Variants in HES7 observed in about 807,000 individuals in gnomAD.
HES7 encodes the protein transcription factor HES-7.
In HES7, 8 loss-of-function variants were observed where a neutral mutation model predicts 18.0. That is an observed-to-expected ratio of 0.45 (90% CI 0.26 to 0.80). The LOEUF (loss-of-function observed/expected upper bound fraction) is 0.80. HES7 is among the 30% of genes least tolerant of loss of function. The pLI, the probability that HES7 is intolerant of heterozygous loss-of-function variation, is 0.18. For missense variants in HES7, 356 were observed against 340.9 expected, an observed-to-expected ratio of 1.04 and a Z score of -0.35; for synonymous variants, 170 against 158.6, an observed-to-expected ratio of 1.07 and a Z score of -0.54.
Position 8,123,481 on chromosome 17 carries a change from G to A in HES7, c.43-355C>T. 7.7e-6 allele frequency: 3 copies of A among 388,536 alleles called. No homozygotes were observed. The highest frequency in any genetic ancestry group is 2.8e-5 in the South Asian group (1 of 36,348). 24.1% of individuals were successfully genotyped at this position (388,536 alleles called of 1,614,324 possible). A position where few individuals can be genotyped will look rare whatever the true frequency, so the allele number is the denominator to read the frequency against. On this transcript the variant is annotated intron_variant, in intron 1 of 3. Coordinates refer to ENST00000541682, the MANE Select transcript of HES7 (RefSeq NM_001165967.2). The surrounding 1 kb of genome is among the most constrained non-coding windows in gnomAD (Gnocchi z 5.9). ...CTGCGCGCACGCACGTGCGCCGCAC[G>A]GTGCCGGGCTCAGACCTGGCGGCCC...
chr17:8,121,867 G>T lies in HES7; in HGVS notation c.397C>A (p.Pro133Thr). The T allele has an allele frequency of 6.4e-7, 1 of 1,572,456 alleles. No individual in the cohort carries two copies. The highest frequency in any genetic ancestry group is 2.4e-5 in the East Asian group (1 of 41,770). Residue 133 changes from proline (P) to threonine (T), a missense_variant, in exon 4 of 4, where the codon CCC becomes ACC. By Grantham distance (38) the Pro-to-Thr change is conservative. Coordinates refer to ENST00000541682, the MANE Select transcript of HES7 (RefSeq NM_001165967.2). ...ACCGGCTTGGGCCGGGGCGGTTTGG[G>T]GCGCAGATAGCCGTGCAGCGCGGAG... Reference protein sequence around the residue: ...LFSALHGYLRPKPPRPKPVDP... With the variant: ...LFSALHGYLRTKPPRPKPVDP...
At position 8,121,911 on chromosome 17, in the gene HES7, G is replaced by T; in HGVS notation, c.353C>A (p.Ala118Asp). The change falls in exon 4 of 4, where the codon GCC becomes GAC. Residue 118 changes from alanine to aspartate, a missense_variant. Transcript: ENST00000541682. ...CGCGGAGAAGAGCTGGGCGCGGGCG[G>T]CCGGGCTGGCGTCGTGCGCGAAGGC... is the stretch of plus-strand genomic sequence containing the variant. Reference protein sequence around the residue: ...LAAFAHDASPAARAQLFSALH... With the variant: ...LAAFAHDASPDARAQLFSALH... 1 of 1,564,142 alleles carries T rather than the reference G, an allele frequency of 6.4e-7. No homozygotes were observed. Among genetic ancestry groups the T allele is most frequent in the Non-Finnish European group, 8.6e-7 (1 of 1,166,234 alleles).
upstream of HES7, among the ~76,000 whole-genome samples, chr17:8,125,936 A>G (rs915473367): frequency 6.6e-6 from 1 of 152,222 alleles, no homozygotes; most frequent in Admixed American, 6.5e-5. Context: ...TGACTATAGC[A>G]GAGTTTGCAG....
Position 8,123,435 on chromosome 17 carries a change from G to C in HES7, c.43-309C>G. ...TCTGGTGCAGTTTCTCTTTGTCTCAGTGGAGAACTTTGGGGACTCTCTGCG... is the reference window on the plus strand; with the variant it reads ...TCTGGTGCAGTTTCTCTTTGTCTCACTGGAGAACTTTGGGGACTCTCTGCG... On this transcript the variant is annotated intron_variant, in intron 1 of 3. Transcript: ENST00000541682. This position sits in a 1 kb window ranked among gnomAD's most constrained non-coding sequence, Gnocchi z 5.9. 2.1e-6 allele frequency: 1 copy of C among 485,284 alleles called. No individual in the cohort carries two copies. Among genetic ancestry groups the C allele is most frequent in the East Asian group, 3.8e-5 (1 of 26,504 alleles). 30.1% of individuals were successfully genotyped at this position (485,284 alleles called of 1,614,324 possible).
At chr17:8,124,171 A>C (rs548755732), upstream of HES7, 22 of 1,525,406 alleles carry the variant, frequency 1.4e-5, no homozygotes, top group Middle Eastern at 3.4e-4. Context: ...ATAGGACCCG[A>C]CCCCGCCCCC....
In HES7 at chr17:8,122,938, G is replaced by A. The variant is rs1164583780; in HGVS notation, c.138+93C>T. On this transcript the variant is annotated intron_variant, in intron 2 of 3. Coordinates refer to ENST00000541682, the MANE Select transcript of HES7 (RefSeq NM_001165967.2). This position sits in a 1 kb window ranked among gnomAD's most constrained non-coding sequence, Gnocchi z 6.9. The stretch of plus-strand genomic sequence containing the variant: ...CGGGTGAGGATGCCTTGGGGCCAGG[G>A]TTGCCAACCAAGCTTGTGTCCCCAC... 5.9e-6 allele frequency: 6 copies of A among 1,009,368 alleles called. No individual in the cohort carries two copies. The highest frequency in any genetic ancestry group is 9.2e-6 in the Non-Finnish European group (6 of 652,484). The allele number at this position is 1,009,368 out of a possible 1,614,324, so 62.5% of individuals were successfully genotyped here. A position where few individuals can be genotyped will look rare whatever the true frequency, so the allele number is the denominator to read the frequency against.
At chr17:8,125,516 A>T (rs538055974), upstream of HES7, among the ~76,000 whole-genome samples, 2 of 152,214 alleles carry the variant, frequency 1.3e-5, no homozygotes, top group South Asian at 2.1e-4. Context: ...TCTCACCTGC[A>T]CGCGAGGCTG....
chr17:8,123,000 T>C lies in HES7; in HGVS notation c.138+31A>G, dbSNP rs1981436604. 6.5e-7 allele frequency: 1 copy of C among 1,541,100 alleles called. No individual in the cohort carries two copies. Among genetic ancestry groups the C allele is most frequent in the Non-Finnish European group, 8.8e-7 (1 of 1,130,230 alleles). The stretch of plus-strand genomic sequence containing the variant: ...GCCCTGGGACGCGGAAACGGGAAGC[T>C]TGGGGACCTAGGGCTAGCGGAGGGA... On this transcript the variant is annotated intron_variant, in intron 2 of 3. Transcript: ENST00000541682. This position sits in a 1 kb window ranked among gnomAD's most constrained non-coding sequence, Gnocchi z 6.9.
At position 8,122,449 on chromosome 17, in the gene HES7, G is replaced by A; in HGVS notation, c.139-19C>T. On this transcript the variant is annotated intron_variant, in intron 2 of 3. Transcript: ENST00000541682. This position sits in a 1 kb window ranked among gnomAD's most constrained non-coding sequence, Gnocchi z 6.9. ...GGAGGTTCTACAGACGGGAGGGGAG[G>A]GCGCAGAGACAGAAAGGGGTGGGGA... is the stretch of plus-strand genomic sequence containing the variant. The A allele has an allele frequency of 1.9e-6, 3 of 1,543,618 alleles. No homozygotes were observed. The highest frequency in any genetic ancestry group is 1.8e-6 in the Non-Finnish European group (2 of 1,135,716).
chr17:8,122,292 C>T lies in HES7; in HGVS notation c.226+51G>A. 6.9e-7 allele frequency: 1 copy of T among 1,453,528 alleles called. No individual in the cohort carries two copies. Among genetic ancestry groups the T allele is most frequent in the Non-Finnish European group, 9.4e-7 (1 of 1,060,300 alleles). The allele number at this position is 1,453,528 out of a possible 1,614,324, so 90.0% of individuals were successfully genotyped here. A position where few individuals can be genotyped will look rare whatever the true frequency, so the allele number is the denominator to read the frequency against. On this transcript the variant is annotated intron_variant, in intron 3 of 3. Transcript: ENST00000541682. This position sits in a 1 kb window ranked among gnomAD's most constrained non-coding sequence, Gnocchi z 6.9. ...CCCGCCCACTCTGCCCCGGCCGGAG[C>T]CTCCTGGCGTCCCCCCTCCCTCCCT...
At chr17:8,124,022 C>T in intron 1 of HES7, 21 bp downstream of exon 1, 2 of 1,613,494 alleles carry the variant, frequency 1.2e-6, no homozygotes, top group Non-Finnish European at 8.5e-7. Flanking sequence ...GACCTCTGCT[C>T]CCTCCCCTCC....
At chr17:8,124,288 G>T (rs999825394), upstream of HES7, among the ~76,000 whole-genome samples, 16 of 152,186 alleles carry the variant, frequency 1.1e-4, no homozygotes, top group Non-Finnish European at 1.9e-4. Context: ...AGTGCGGGAA[G>T]TGAGGGGTGA....
In HES7 at chr17:8,121,749, C is replaced by G. The variant is rs778098548; in HGVS notation, c.515G>C (p.Gly172Ala). 18 of 1,478,110 alleles carry G rather than the reference C, an allele frequency of 1.2e-5. No individual in the cohort carries two copies. In the South Asian group the frequency reaches 2.4e-4, roughly 20 times the overall value. The allele number at this position is 1,478,110 out of a possible 1,614,324, so 91.6% of individuals were successfully genotyped here. The change falls in exon 4 of 4, where the codon GGC (glycine) becomes GCC (alanine). Residue 172 changes from glycine (G) to alanine (A), a missense_variant. Gly to Ala is a moderately conservative substitution (Grantham distance 60). Coordinates refer to ENST00000541682, the MANE Select transcript of HES7 (RefSeq NM_001165967.2). Reference protein sequence around the residue: ...ALHQRPPVHQGHPSPRCAWSP... With the variant: ...ALHQRPPVHQAHPSPRCAWSP... ...CCATGCGCAGCGCGGGCTAGGGTGG[C>G]CCTGGTGCACTGGGGGGCGCTGGTG...
rs986643107 is a variant in HES7, at chr17:8,123,292, T to C, written c.43-166A>G. On this transcript the variant is annotated intron_variant, in intron 1 of 3. Transcript: ENST00000541682. This position sits in a 1 kb window ranked among gnomAD's most constrained non-coding sequence, Gnocchi z 5.9. ...GATCCCTCTCCGCTCCCCCTCCCAA[T>C]GCCCCTAGATCAGTTTCTGTAGCTC... 1 of 641,208 alleles carries C rather than the reference T, an allele frequency of 1.6e-6. No homozygotes were observed. The highest frequency in any genetic ancestry group is 2.8e-6 in the Non-Finnish European group (1 of 353,702). 39.7% of individuals were successfully genotyped at this position (641,208 alleles called of 1,614,324 possible). A position where few individuals can be genotyped will look rare whatever the true frequency, so the allele number is the denominator to read the frequency against.
rs1237181412 is a variant in HES7 at position 8,123,777 on chromosome 17, C to T, written c.42+266G>A. 2.0e-5 allele frequency among the ~76,000 whole-genome samples: 3 copies of T among 152,212 alleles called. No individual in the cohort carries two copies. Among genetic ancestry groups the T allele is most frequent in the Admixed American group, 2.0e-4 (3 of 15,284 alleles). ...CTAATTGCTTATTTTACTCCAACAC[C>T]GGCCCCCTCCCCAGGCCACAAGGTG... On this transcript the variant is annotated intron_variant, in intron 1 of 3. Transcript: ENST00000541682. The surrounding 1 kb of genome is among the most constrained non-coding windows in gnomAD (Gnocchi z 5.9).
At position 8,123,532 on chromosome 17, in the gene HES7, C is replaced by A; in HGVS notation, c.43-406G>T. 3.2e-6 allele frequency: 1 copy of A among 313,682 alleles called. No homozygotes were observed. Among genetic ancestry groups the A allele is most frequent in the Non-Finnish European group, 6.0e-6 (1 of 166,660 alleles). 19.4% of individuals were successfully genotyped at this position (313,682 alleles called of 1,614,324 possible). ...TGAGTATAGAAAGGGAGATACCTAG[C>A]GCGACCGCGCCGCCTCTTTTCCCTC... On this transcript the variant is annotated intron_variant, in intron 1 of 3. Transcript: ENST00000541682. The surrounding 1 kb of genome is among the most constrained non-coding windows in gnomAD (Gnocchi z 5.9).
chr17:8,126,556 G>T (rs1330495706), upstream of HES7, among the ~76,000 whole-genome samples: 2 of 152,198 alleles, frequency 1.3e-5, no homozygotes, highest in Non-Finnish European at 2.9e-5. Flanking sequence ...CTTCCCGGCC[G>T]CTTTGATCCC....
Position 8,122,092 on chromosome 17 carries a change from G to C in HES7, c.227-55C>G. 1 of 1,410,862 alleles carries C rather than the reference G, an allele frequency of 7.1e-7. No homozygotes were observed. The highest frequency in any genetic ancestry group is 9.3e-7 in the Non-Finnish European group (1 of 1,071,094). 87.4% of individuals were successfully genotyped at this position (1,410,862 alleles called of 1,614,324 possible). A position where few individuals can be genotyped will look rare whatever the true frequency, so the allele number is the denominator to read the frequency against. On this transcript the variant is annotated intron_variant, in intron 3 of 3. Transcript: ENST00000541682. The surrounding 1 kb of genome is among the most constrained non-coding windows in gnomAD (Gnocchi z 6.9). ...CAGGGCAGGGGCCCGGCAGGGGTGA[G>C]GGAAGGGGCGGGGCGCAGAGATACC...
Position 8,124,092 on chromosome 17 carries a change from C to T in HES7, c.-8G>A. On this transcript the variant is annotated 5_prime_UTR_variant, in exon 1 of 4. Coordinates refer to ENST00000541682, the MANE Select transcript of HES7 (RefSeq NM_001165967.2). ...TCGATCCCGGGTGACCATTGCTCCT[C>T]CGGACCCTGTGTGGACCGGTTCCCT... 6.2e-7 allele frequency: 1 copy of T among 1,614,104 alleles called. No individual in the cohort carries two copies.
Sources: gnomAD v4.1 joint callset for allele counts (sites outside exome capture counted in the v4.1 genomes callset) on GRCh38, gnomAD v4.1.1 for gene constraint, Gnocchi (gnomAD v3.1) non-coding constraint, MANE v1.5 for transcripts, NCBI Gene and HGNC (gene_info 2026-07-23, HGNC 2026-07-21) for gene names.